Variants in TRIM2 observed in about 807,000 individuals in gnomAD.
TRIM2 encodes tripartite motif-containing protein 2.
A neutral mutation model predicts 75.2 loss-of-function variants in TRIM2; 20 were observed. That is an observed-to-expected ratio of 0.27 (90% confidence interval 0.19 to 0.39). TRIM2 has a LOEUF of 0.39. Among genes scored for constraint, TRIM2 ranks in the 10% least tolerant of loss-of-function variants. TRIM2 has a pLI of 1.00. For synonymous variants in TRIM2, 373 were observed against 388.3 expected (o/e 0.96, Z 0.46); for missense variants, 660 against 990.8 (o/e 0.67, Z 4.48).
chr4:153,252,529 T>C lies in TRIM2; in HGVS notation c.31-17806T>C, dbSNP rs181763699. Among the ~76,000 whole-genome samples the C allele has an allele frequency of 2.0e-5, 3 of 152,366 alleles. No homozygotes were observed. The East Asian group carries it at 5.8e-4, about 29-fold the overall frequency. The stretch of plus-strand genomic sequence containing the variant: ...ATCTATGAAGGTACTTTCTTTTTTC[T>C]GAGATGGAGTCTCACTCTGTCACCC... On this transcript the variant is annotated intron_variant, in intron 1 of 11. Transcript: ENST00000338700.
chr4:153,152,880 C>T (rs1480116975), upstream of TRIM2, among the ~76,000 whole-genome samples: 1 of 152,196 alleles, frequency 6.6e-6, no homozygotes, highest in Admixed American at 6.5e-5. Flanking sequence ...GATTTCTGCT[C>T]GGAGTGAAGG....
intron 1 of TRIM2, among the ~76,000 whole-genome samples, chr4:153,219,607 G>A (rs768024484): frequency 7.2e-5 from 11 of 152,122 alleles, no homozygotes; most frequent in Non-Finnish European, 1.5e-4. Flanking sequence ...GGTAGCTTAC[G>A]CCTGTAACTC....
chr4:153,256,080 A>C (rs2149954249), intron 1 of TRIM2, among the ~76,000 whole-genome samples: 1 of 152,324 alleles, frequency 6.6e-6, no homozygotes, highest in South Asian at 2.1e-4. Context: ...AAAGCCATTA[A>C]ATTGTACACT....
At chr4:153,160,573 A>G (rs1729645840) in intron 1 of TRIM2, among the ~76,000 whole-genome samples, 1 of 151,784 alleles carries the variant, frequency 6.6e-6, no homozygotes. Flanking sequence ...CATGCTGGCC[A>G]TCTAGGCTTC....
At chr4:153,173,972 G>T (rs2149619089) in intron 1 of TRIM2, among the ~76,000 whole-genome samples, 1 of 151,654 alleles carries the variant, frequency 6.6e-6, no homozygotes, top group South Asian at 2.1e-4. Flanking sequence ...CAAAATATAA[G>T]AATAATAATT....
chr4:153,295,244 G>T lies in TRIM2; in HGVS notation c.787-69G>T. 1.4e-6 allele frequency: 2 copies of T among 1,457,610 alleles called. No homozygotes were observed. The highest frequency in any genetic ancestry group is 1.5e-5 in the South Asian group (1 of 67,026). The allele number at this position is 1,457,610 out of a possible 1,614,324, so 90.3% of individuals were successfully genotyped here. A position where few individuals can be genotyped will look rare whatever the true frequency, so the allele number is the denominator to read the frequency against. ...GGTGTAGAGTCTCCTTCTCGCCGGT[G>T]GAGGGCACTGCCCCGGGCTAGGCCC... On this transcript the variant is annotated intron_variant, in intron 5 of 11. Transcript: ENST00000338700. The surrounding 1 kb of genome is among the most constrained non-coding windows in gnomAD (Gnocchi z 7.2).
intron 10 of TRIM2, among the ~76,000 whole-genome samples, chr4:153,324,749 C>T (rs756683006): frequency 2.0e-5 from 3 of 152,186 alleles, no homozygotes; most frequent in Non-Finnish European, 4.4e-5. Flanking sequence ...ACATTACTCA[C>T]TTACTGAAAT....
Position 153,270,348 on chromosome 4 carries a change from G to T in TRIM2, c.44G>T (p.Gly15Val). The T allele has an allele frequency of 1.2e-6, 2 of 1,612,166 alleles. No individual in the cohort carries two copies. The highest frequency in any genetic ancestry group is 1.3e-5 in the African/African-American group (1 of 74,950). ...TCTGTCTGACAGCAGCAGCGTGCAG[G>T]GTCAAAGACAGCCGGCCCCCCATGT... The part of the protein sequence containing the change: ...GRYGTQQQRA[G>V]SKTAGPPCQW... The change falls in exon 2 of 12, where the codon GGG becomes GTG. Residue 15 changes from glycine to valine, a missense_variant. By Grantham distance (109) the Gly-to-Val change is moderately radical. Coordinates refer to ENST00000338700, the MANE Select transcript of TRIM2 (RefSeq NM_015271.5).
In TRIM2 at chr4:153,295,582, C is replaced by T; in HGVS notation, c.1056C>T (p.Ala352=). ...CGATCTTAACCACCAACGCCGTTGCCTCAGAGACAGTGGCCACGGGCGAGG... is the reference window on the plus strand; with the variant it reads ...CGATCTTAACCACCAACGCCGTTGCTTCAGAGACAGTGGCCACGGGCGAGG... ...LGTILTTNAV[A]SETVATGEGL... The change falls in exon 6 of 12, where the codon GCC becomes GCT. Residue 352 remains alanine (A), a synonymous_variant. Coordinates refer to ENST00000338700, the MANE Select transcript of TRIM2 (RefSeq NM_015271.5). The surrounding 1 kb of genome is among the most constrained non-coding windows in gnomAD (Gnocchi z 7.2). 1 of 1,613,566 alleles carries T rather than the reference C, an allele frequency of 6.2e-7. No individual in the cohort carries two copies. Among genetic ancestry groups the T allele is most frequent in the Non-Finnish European group, 8.5e-7 (1 of 1,179,664 alleles).
chr4:153,322,851 T>TA, intron 9 of TRIM2, 35 bp downstream of exon 9: 1 of 1,611,940 alleles, frequency 6.2e-7, no homozygotes, highest in Non-Finnish European at 8.5e-7. Context: ...CCCCCTTTTT[T>TA]ATGCTTCTTC....
In TRIM2 at chr4:153,325,229, G is replaced by A. The variant is rs527692046; in HGVS notation, c.2022+1081G>A. On this transcript the variant is annotated intron_variant, in intron 10 of 11. Coordinates refer to ENST00000338700, the MANE Select transcript of TRIM2 (RefSeq NM_015271.5). The stretch of plus-strand genomic sequence containing the variant: ...TGGAGAGGGCTTGGATCTTTTTGAT[G>A]GGTGCCAAGTCCCTGTGCAGACAGT... Among the ~76,000 whole-genome samples the A allele has an allele frequency of 3.9e-5, 6 of 152,326 alleles. No homozygotes were observed. In the East Asian group the frequency reaches 9.6e-4, roughly 24 times the overall value.
chr4:153,293,597 C>T (rs1002162552), intron 4 of TRIM2, among the ~76,000 whole-genome samples: 1 of 152,274 alleles, frequency 6.6e-6, no homozygotes, highest in Admixed American at 6.5e-5. Context: ...CAAGTTCCTT[C>T]TTTGGCACAG....
rs191921765 is a variant in TRIM2, at chr4:153,292,332, A to G, written c.454-650A>G. Among the ~76,000 whole-genome samples, 440 of 152,332 alleles carry G rather than the reference A, an allele frequency of 2.9e-3. 1 individual carries two copies. The highest frequency in any genetic ancestry group is 9.9e-3 in the African/African-American group (413 of 41,586). ...TCCCACAAATTTTTTTGTTTTTCAC[A>G]ATATATTTATTTTCATAAATTACAT... On this transcript the variant is annotated intron_variant, in intron 3 of 11. Transcript: ENST00000338700.
rs150580356 is a variant in TRIM2, at chr4:153,207,276, A to C, written c.30+2716A>C. Among the ~76,000 whole-genome samples the C allele has an allele frequency of 1.5e-4, 23 of 152,318 alleles. No individual in the cohort carries two copies. The East Asian group carries it at 3.9e-3, about 26-fold the overall frequency. On this transcript the variant is annotated intron_variant, in intron 1 of 11. Coordinates refer to ENST00000338700, the MANE Select transcript of TRIM2 (RefSeq NM_015271.5). ...AAGGGCCAGCCACACTGGTAGGCCT[A>C]TGCGGTGCGGTGGCCGATGGGGGAC...
At chr4:153,242,863 G>A (rs867426059) in intron 1 of TRIM2, among the ~76,000 whole-genome samples, 17 of 152,194 alleles carry the variant, frequency 1.1e-4, no homozygotes, top group Non-Finnish European at 2.4e-4. Flanking sequence ...CACCTCCCCA[G>A]CTCTCTGTTT....
rs186603872 is a variant in TRIM2, at chr4:153,216,318, G to A, written c.30+11758G>A. 6.1e-4 allele frequency among the ~76,000 whole-genome samples: 93 copies of A among 152,320 alleles called. No homozygotes were observed. In the South Asian group the frequency reaches 6.8e-3, roughly 11 times the overall value. On this transcript the variant is annotated intron_variant, in intron 1 of 11. Transcript: ENST00000338700. ...TATGCTCTTACTCTAATGGAAGCCAGTAGCAATTTTCTTGTCAATTTCCCA... is the reference window on the plus strand; with the variant it reads ...TATGCTCTTACTCTAATGGAAGCCAATAGCAATTTTCTTGTCAATTTCCCA...
chr4:153,288,432 T>C (rs1761141240), intron 3 of TRIM2, among the ~76,000 whole-genome samples: 1 of 152,028 alleles, frequency 6.6e-6, no homozygotes, highest in African/African-American at 2.4e-5. Flanking sequence ...GTGAGACTCA[T>C]CTTAGAAAAA....
chr4:153,153,736 G>A (rs1296656357), intron 1 of TRIM2, among the ~76,000 whole-genome samples: 1 of 152,240 alleles, frequency 6.6e-6, no homozygotes, highest in Non-Finnish European at 1.5e-5. Flanking sequence ...CAGGGACACG[G>A]GCGTGGCGGC....
At chr4:153,260,399 A>G (rs1434923453) in intron 1 of TRIM2, among the ~76,000 whole-genome samples, 1 of 152,110 alleles carries the variant, frequency 6.6e-6, no homozygotes, top group African/African-American at 2.4e-5. Context: ...CCTAATCTTA[A>G]CAATCGGCTG....
Sources: allele counts gnomAD v4.1 joint callset (sites outside exome capture counted in the v4.1 genomes callset), GRCh38; gene constraint gnomAD v4.1.1; non-coding constraint Gnocchi (gnomAD v3.1); transcripts MANE v1.5; gene names NCBI Gene and HGNC (gene_info 2026-07-23, HGNC 2026-07-21).